Variants in ENTPD5 observed in about 807,000 individuals in gnomAD.
ENTPD5 encodes nucleoside diphosphate phosphatase ENTPD5.
In ENTPD5, 49 loss-of-function variants were observed where a neutral mutation model predicts 60.2. That is an observed-to-expected ratio of 0.81 (90% CI 0.65 to 1.03). The LOEUF is 1.03. Ranked by LOEUF, ENTPD5 falls within the 50% of genes least tolerant of loss-of-function variation. The probability of loss-of-function intolerance (pLI) is 0.00; values close to 1 mark genes in which losing one functional copy is unlikely to be tolerated. For missense variants in ENTPD5, 480 were observed against 507.6 expected (o/e 0.95, Z 0.52); for synonymous variants, 187 against 185.4 (o/e 1.01, Z -0.07).
intron 2 of ENTPD5, among the ~76,000 whole-genome samples, chr14:74,011,640 T>TA (rs1356089744): frequency 1.3e-5 from 2 of 151,888 alleles, no homozygotes; most frequent in Admixed American, 6.6e-5. Context: ...CTACAAAATA[T>TA]AAAAAAAATT....
intron 6 of ENTPD5, among the ~76,000 whole-genome samples, chr14:73,977,922 C>T (rs2215134): frequency 2.0e-5 from 3 of 151,946 alleles, no homozygotes; most frequent in Admixed American, 1.3e-4. Flanking sequence ...ATGGGAATGA[C>T]GATCTTGCAA....
intron 3 of ENTPD5, among the ~76,000 whole-genome samples, chr14:73,990,613 G>C (rs1013958199): frequency 2.0e-5 from 3 of 151,936 alleles, no homozygotes; most frequent in African/African-American, 7.3e-5. Flanking sequence ...CCAGGCATGA[G>C]CCACTTCACC....
chr14:73,960,921 G>A, downstream of ENTPD5: 1 of 582,610 alleles, frequency 1.7e-6, no homozygotes. Flanking sequence ...ATTGAGGGTG[G>A]GGACTAGTGA....
chr14:73,964,756 C>G lies in ENTPD5; in HGVS notation c.*2172G>C, dbSNP rs2056904501. 6.6e-6 allele frequency: 1 copy of G among 152,108 alleles called. No individual in the cohort carries two copies. Among genetic ancestry groups the G allele is most frequent in the Non-Finnish European group, 1.5e-5 (1 of 68,022 alleles). 9.4% of individuals were successfully genotyped at this position (152,108 alleles called of 1,614,324 possible). On this transcript the variant is annotated 3_prime_UTR_variant, in exon 16 of 16. Transcript: ENST00000334696. ...AAAAGTCATGTCACTTATAAAAGAA[C>G]TTGGGAGGAACTTTTTTCAAAAGAT...
chr14:73,963,999 A>G lies in ENTPD5; in HGVS notation c.*2929T>C, dbSNP rs1378974085. On this transcript the variant is annotated 3_prime_UTR_variant, in exon 16 of 16. Coordinates refer to ENST00000334696, the MANE Select transcript of ENTPD5 (RefSeq NM_001249.5). ...GTGACAATGTCACAACCTTGCTGGA[A>G]TCTCAGGAAAAAGAATTAAAGATGG... is the stretch of plus-strand genomic sequence containing the variant. The G allele has an allele frequency of 6.6e-6, 1 of 152,222 alleles. No homozygotes were observed. Among genetic ancestry groups the G allele is most frequent in the African/African-American group, 2.4e-5 (1 of 41,442 alleles). The allele number at this position is 152,222 out of a possible 1,614,324, so 9.4% of individuals were successfully genotyped here. A position where few individuals can be genotyped will look rare whatever the true frequency, so the allele number is the denominator to read the frequency against.
At chr14:73,976,778 G>A (rs2140520223) in intron 8 of ENTPD5, among the ~76,000 whole-genome samples, 1 of 152,154 alleles carries the variant, frequency 6.6e-6, no homozygotes, top group African/African-American at 2.4e-5. Context: ...AGCTATTTTT[G>A]TATTTTTGGT....
downstream of ENTPD5, chr14:73,956,091 A>C (rs768746790): frequency 6.5e-6 from 6 of 919,948 alleles, no homozygotes; most frequent in South Asian, 4.1e-5. Context: ...TTTGGAGGCT[A>C]AGGCGGGCGG....
chr14:73,967,146 T>G, intron 15 of ENTPD5, 132 bp from the exon 16 acceptor site: 1 of 689,244 alleles, frequency 1.5e-6, no homozygotes, highest in Non-Finnish European at 2.5e-6. Flanking sequence ...GAAGCCAGTC[T>G]TTGCAGGCTT....
chr14:73,998,587 A>G (rs77361581), intron 3 of ENTPD5, among the ~76,000 whole-genome samples: 11,977 of 152,176 alleles, frequency 0.079, 631 homozygotes, highest in South Asian at 0.26. Context: ...AGTTGGAAAA[A>G]AAAAATACAT....
At chr14:73,975,699 C>G (rs2057412432) in intron 10 of ENTPD5, among the ~76,000 whole-genome samples, 1 of 152,068 alleles carries the variant, frequency 6.6e-6, no homozygotes, top group Non-Finnish European at 1.5e-5. Context: ...GCCACTGCAC[C>G]CAGCCGAAAA....
chr14:73,979,359 T>C (rs2057577454), intron 6 of ENTPD5, among the ~76,000 whole-genome samples: 1 of 152,190 alleles, frequency 6.6e-6, no homozygotes, highest in East Asian at 1.9e-4. Flanking sequence ...GTTTATTTTC[T>C]GTCTTCCTGA....
downstream of ENTPD5, chr14:73,960,020 T>G (rs1370869164): frequency 9.8e-7 from 1 of 1,022,200 alleles, no homozygotes; most frequent in Non-Finnish European, 1.2e-6. Context: ...TTTTGAGGGT[T>G]GTGGGCTGCT....
At chr14:73,975,553 C>T (rs1007368209) in intron 10 of ENTPD5, among the ~76,000 whole-genome samples, 11 of 151,892 alleles carry the variant, frequency 7.2e-5, no homozygotes, top group Admixed American at 2.0e-4. Flanking sequence ...TACAGGTGTG[C>T]GCTGTCATAT....
chr14:73,993,883 GA>G (rs200362549), intron 3 of ENTPD5, among the ~76,000 whole-genome samples: 1 of 138,652 alleles, frequency 7.2e-6, no homozygotes, highest in African/African-American at 2.8e-5. Context: ...TTTCAAAGGT[GA>G]AAAAAAACAT....
downstream of ENTPD5, chr14:73,960,553 T>G: frequency 2.0e-6 from 2 of 1,009,470 alleles, no homozygotes; most frequent in Non-Finnish European, 2.4e-6. Context: ...CCATTTAGTA[T>G]ATATTCCTGG....
intron 15 of ENTPD5, among the ~76,000 whole-genome samples, chr14:73,967,799 C>CAAAAAAAAAAAAA (rs33926682): frequency 1.0e-5 from 1 of 97,842 alleles, no homozygotes; most frequent in Non-Finnish European, 2.0e-5. Flanking sequence ...GACCCTGTCT[C>CAAAAAAAAAAAAA]AAAAAAAAAA....
In ENTPD5 at chr14:73,976,307, T is replaced by C; in HGVS notation, c.642+17A>G. ...TGCCAAGTGCACTTCTAACCAGATC[T>C]TCATTAAATGACTCACCTCAAACTG... On this transcript the variant is annotated intron_variant, in intron 9 of 15. Coordinates refer to ENST00000334696, the MANE Select transcript of ENTPD5 (RefSeq NM_001249.5). The C allele has an allele frequency of 6.2e-7, 1 of 1,610,766 alleles. No individual in the cohort carries two copies.
chr14:74,010,478 C>T (rs2058814228), intron 3 of ENTPD5, among the ~76,000 whole-genome samples: 1 of 151,876 alleles, frequency 6.6e-6, no homozygotes, highest in South Asian at 2.1e-4. Flanking sequence ...CGCTTGAACC[C>T]AGGAGGCAGA....
intron 10 of ENTPD5, among the ~76,000 whole-genome samples, chr14:73,975,538 AG>A (rs1359227201): frequency 6.6e-6 from 1 of 150,912 alleles, no homozygotes; most frequent in Non-Finnish European, 1.5e-5. Flanking sequence ...CTGAATAGCT[AG>A]GATTACAGGT....
Sources: allele counts gnomAD v4.1 joint callset (sites outside exome capture counted in the v4.1 genomes callset), GRCh38; gene constraint gnomAD v4.1.1; transcripts MANE v1.5; gene names NCBI Gene and HGNC (gene_info 2026-07-23, HGNC 2026-07-21).